The following MED13 variants were observed in gnomAD, a reference collection of about 807,000 sequenced individuals.
The protein encoded by MED13 is mediator of RNA polymerase II transcription subunit 13.
A neutral mutation model predicts 225.2 loss-of-function variants in MED13; 23 were observed. That is an observed-to-expected ratio of 0.10 (90% confidence interval 0.07 to 0.14). The LOEUF (loss-of-function observed/expected upper bound fraction) is 0.14, where lower values mean the gene tolerates loss of function less well. MED13 is among the 10% of genes least tolerant of loss of function. The pLI, the probability that MED13 is intolerant of heterozygous loss-of-function variation, is 1.00. For missense variants in MED13, 2,197 were observed against 2,594.5 expected (o/e 0.85, Z 3.33); for synonymous variants, 942 against 889.2 (o/e 1.06, Z -1.06).
intron 16 of MED13, among the ~76,000 whole-genome samples, chr17:61,974,121 T>C (rs2080132985): frequency 6.6e-6 from 1 of 152,160 alleles, no homozygotes; most frequent in East Asian, 1.9e-4. Flanking sequence ...TTGAAAATGC[T>C]AACGGGCCGG....
At chr17:62,004,472 A>G (rs2080426535) in intron 9 of MED13, 1 of 152,232 alleles carries the variant, frequency 6.6e-6, no homozygotes, top group Non-Finnish European at 1.5e-5. Context: ...GAATGATAAG[A>G]AGGGATAAGC....
At position 61,962,826 on chromosome 17, in the gene MED13, A is replaced by G; in HGVS notation, c.4990T>C (p.Leu1664=). The part of the protein sequence containing the change: ...ESTNSSSVWT[L]GLLRCFLEMV... The stretch of plus-strand genomic sequence containing the variant: ...TCTAGAAAGCATCGAAGTAGCCCCA[A>G]TGTCCACACACTAGAAGAGTTAGTG... The change falls in exon 21 of 30, where the codon TTG becomes CTG. Residue 1664 remains leucine, a synonymous_variant. Coordinates refer to ENST00000397786, the MANE Select transcript of MED13 (RefSeq NM_005121.3). The G allele has an allele frequency of 1.9e-6, 3 of 1,614,166 alleles. No homozygotes were observed. Among genetic ancestry groups the G allele is most frequent in the Non-Finnish European group, 2.5e-6 (3 of 1,180,032 alleles).
intron 2 of MED13, among the ~76,000 whole-genome samples, chr17:62,052,986 T>C (rs939344549): frequency 2.2e-4 from 33 of 152,332 alleles, no homozygotes; most frequent in African/African-American, 2.6e-4. Flanking sequence ...TTGGTTCCTG[T>C]ATTAATGAAA....
intron 8 of MED13, among the ~76,000 whole-genome samples, chr17:62,017,424 T>C (rs2080593930): frequency 1.3e-5 from 2 of 152,016 alleles, no homozygotes; most frequent in Non-Finnish European, 2.9e-5. Flanking sequence ...AAAAAGAATA[T>C]AAAAAGGAAA....
At chr17:61,959,877 C>T (rs897202774) in intron 23 of MED13, among the ~76,000 whole-genome samples, 1 of 151,842 alleles carries the variant, frequency 6.6e-6, no homozygotes, top group African/African-American at 2.4e-5. Context: ...TACAGGTGGG[C>T]CACTATGCCC....
intron 3 of MED13, among the ~76,000 whole-genome samples, chr17:62,039,146 A>G (rs891333592): frequency 3.9e-5 from 6 of 152,140 alleles, no homozygotes; most frequent in Admixed American, 3.9e-4. Context: ...AACAACACTC[A>G]ATCCCAGCAG....
chr17:61,987,552 C>G (rs2143483075), intron 11 of MED13, among the ~76,000 whole-genome samples: 1 of 152,022 alleles, frequency 6.6e-6, no homozygotes, highest in South Asian at 2.1e-4. Flanking sequence ...AGAAATTGTA[C>G]TTTATTGTTT....
intron 11 of MED13, among the ~76,000 whole-genome samples, chr17:61,988,495 T>TA (rs1248589348): frequency 1.3e-5 from 2 of 152,252 alleles, no homozygotes. Flanking sequence ...GTGTCAGTTC[T>TA]AAAGATTCAC....
In MED13 at chr17:62,027,326, C is replaced by G. The variant is rs1320490565; in HGVS notation, c.1283+2215G>C. Reference sequence around the variant, plus strand: ...CTTTGACAAAGCTCACAAAAACAAGCAATGGGGAAAGGACTCCCTATTCAA... The same window carrying G: ...CTTTGACAAAGCTCACAAAAACAAGGAATGGGGAAAGGACTCCCTATTCAA... On this transcript the variant is annotated intron_variant, in intron 8 of 29. Transcript: ENST00000397786. Among the ~76,000 whole-genome samples, 2 of 152,148 alleles carry G rather than the reference C, an allele frequency of 1.3e-5. 1 individual carries two copies. The highest frequency in any genetic ancestry group is 4.1e-4 in the South Asian group (2 of 4,828).
intron 3 of MED13, among the ~76,000 whole-genome samples, chr17:62,038,814 C>G (rs1291075590): frequency 1.3e-5 from 2 of 151,332 alleles, no homozygotes; most frequent in Non-Finnish European, 2.9e-5. Flanking sequence ...CAGGTGTGCG[C>G]TACCACACCC....
chr17:62,018,474 G>A (rs565227283), intron 8 of MED13, among the ~76,000 whole-genome samples: 1 of 152,176 alleles, frequency 6.6e-6, no homozygotes, highest in Non-Finnish European at 1.5e-5. Context: ...GGAGGCTGAG[G>A]TGGGTGGATT....
rs569304992 is a variant in MED13, at chr17:62,019,492, G to A, written c.1284-8259C>T. On this transcript the variant is annotated intron_variant, in intron 8 of 29. Transcript: ENST00000397786. ...GAATTAGTCTATTTTATGCAAGGCA[G>A]TAGGAGAAATAGGATCTCCATTCAT... is the stretch of plus-strand genomic sequence containing the variant. Among the ~76,000 whole-genome samples the A allele has an allele frequency of 2.0e-5, 3 of 152,320 alleles. No individual in the cohort carries two copies. In the South Asian group the frequency reaches 6.2e-4, roughly 32 times the overall value.
At chr17:62,033,412 C>G (rs1046984490) in intron 5 of MED13, among the ~76,000 whole-genome samples, 1 of 152,132 alleles carries the variant, frequency 6.6e-6, no homozygotes, top group Non-Finnish European at 1.5e-5. Context: ...ATTTCCCTGC[C>G]CCAATGACTT....
At chr17:61,974,962 C>G (rs1452295198) in intron 16 of MED13, among the ~76,000 whole-genome samples, 1 of 151,890 alleles carries the variant, frequency 6.6e-6, no homozygotes, top group Non-Finnish European at 1.5e-5. Context: ...AGAATACCAT[C>G]AAGAAAGTAA....
intron 9 of MED13, chr17:62,007,500 G>A (rs1447067064): frequency 6.6e-6 from 1 of 152,110 alleles, no homozygotes; most frequent in African/African-American, 2.4e-5. Context: ...TTTAGGAGAT[G>A]GTATTACCTA....
intron 9 of MED13, among the ~76,000 whole-genome samples, chr17:62,010,099 G>A (rs916098149): frequency 2.0e-5 from 3 of 151,942 alleles, no homozygotes; most frequent in African/African-American, 7.3e-5. Context: ...GCTCACACCT[G>A]TAATCCCAGC....
At chr17:62,062,944 G>C (rs747562304) in intron 2 of MED13, 123 bp downstream of exon 2, 21 of 644,342 alleles carry the variant, frequency 3.3e-5, no homozygotes, top group Middle Eastern at 3.9e-4. Context: ...CAATGAAGCT[G>C]AATTTTTATC....
intron 8 of MED13, among the ~76,000 whole-genome samples, chr17:62,014,032 C>T (rs2080537271): frequency 6.6e-6 from 1 of 151,956 alleles, no homozygotes; most frequent in African/African-American, 2.4e-5. Flanking sequence ...TAGCGAGACT[C>T]TGTCCCACCC....
At chr17:62,057,799 A>G (rs1267417649) in intron 2 of MED13, among the ~76,000 whole-genome samples, 7 of 152,250 alleles carry the variant, frequency 4.6e-5, no homozygotes, top group Non-Finnish European at 8.8e-5. Context: ...GAGCCAGGAA[A>G]AAGAACAAAT....
Sources: allele counts gnomAD v4.1 joint callset (sites outside exome capture counted in the v4.1 genomes callset), GRCh38; gene constraint gnomAD v4.1.1; transcripts MANE v1.5; gene names NCBI Gene and HGNC (gene_info 2026-07-23, HGNC 2026-07-21).